Variants in MROH2B observed in about 807,000 individuals in gnomAD.
The protein encoded by MROH2B is maestro heat like repeat family member 2B, also known as maestro heat-like repeat-containing protein family member 2B.
In MROH2B, 177 loss-of-function variants were observed where a neutral mutation model predicts 208.6. The observed-to-expected ratio is 0.85, with a 90% CI of 0.75 to 0.96. The LOEUF is 0.96. MROH2B is among the 40% of genes least tolerant of loss of function. MROH2B has a pLI of 0.00. For missense variants in MROH2B, 2,002 were observed against 1,878.7 expected, an observed-to-expected ratio of 1.07 and a Z score of -1.21; for synonymous variants, 728 against 659.0, an observed-to-expected ratio of 1.10 and a Z score of -1.60.
chr5:41,006,033 A>AC (rs1249691138), intron 34 of MROH2B, among the ~76,000 whole-genome samples: 3 of 9,524 alleles, frequency 3.1e-4, no homozygotes, highest in Non-Finnish European at 1.0e-3. Context: ...TTCTGTCTCC[A>AC]AAAAAAAAAA....
At chr5:41,033,714 T>C in intron 22 of MROH2B, 124 bp downstream of exon 22, 3 of 764,924 alleles carry the variant, frequency 3.9e-6, no homozygotes, top group Non-Finnish European at 6.3e-6. Flanking sequence ...GATTGTTACA[T>C]GTTGGAAACC....
intron 11 of MROH2B, among the ~76,000 whole-genome samples, chr5:41,054,187 C>T (rs901345770): frequency 2.0e-5 from 3 of 152,110 alleles, no homozygotes; most frequent in Non-Finnish European, 4.4e-5. Context: ...ACCATGTTGA[C>T]CAGGCTGGTC....
At chr5:41,069,626 T>C (rs766065011) in intron 2 of MROH2B, 65 bp downstream of exon 2, 20 of 1,291,090 alleles carry the variant, frequency 1.5e-5, no homozygotes, top group Non-Finnish European at 2.2e-5. Context: ...CAAAGAAAAA[T>C]ATATACGAAA....
chr5:41,039,572 T>C lies in MROH2B; in HGVS notation c.1954-17A>G. 1.3e-6 allele frequency: 2 copies of C among 1,509,264 alleles called. No individual in the cohort carries two copies. The highest frequency in any genetic ancestry group is 2.3e-5 in the East Asian group (1 of 44,090). 93.5% of individuals were successfully genotyped at this position (1,509,264 alleles called of 1,614,324 possible). The stretch of plus-strand genomic sequence containing the variant: ...TGTTATTCCCTAAAATCAGAAAAGG[T>C]ATGACATTTTGAGTTTAACCATTTA... On this transcript the variant is annotated splice_polypyrimidine_tract_variant and intron_variant, in intron 19 of 41. Coordinates refer to ENST00000399564, the MANE Select transcript of MROH2B (RefSeq NM_173489.5).
chr5:41,035,948 A>G (rs970353986), intron 21 of MROH2B, among the ~76,000 whole-genome samples: 1 of 152,138 alleles, frequency 6.6e-6, no homozygotes, highest in African/African-American at 2.4e-5. Context: ...CAAAGAACTT[A>G]AAACAGAGCT....
At chr5:41,023,864 G>A (rs1457970486) in intron 24 of MROH2B, among the ~76,000 whole-genome samples, 1 of 152,212 alleles carries the variant, frequency 6.6e-6, no homozygotes, top group Middle Eastern at 3.2e-3. Context: ...CCAGAAGAGA[G>A]TAGGGGCCAA....
intron 34 of MROH2B, 122 bp from the exon 35 acceptor site, chr5:41,005,767 A>C: frequency 2.7e-5 from 22 of 806,872 alleles, no homozygotes; most frequent in Non-Finnish European, 4.0e-5. Flanking sequence ...GTGGTGGCTC[A>C]TGCCTGTAAT....
At chr5:41,042,235 A>G (rs1351250183) in intron 18 of MROH2B, 27 bp from the exon 19 acceptor site, 6 of 1,380,434 alleles carry the variant, frequency 4.3e-6, no homozygotes, top group African/African-American at 1.4e-5. Context: ...AAGCAACAGG[A>G]TTTTAAGGGT....
chr5:41,052,506 C>G lies in MROH2B; in HGVS notation c.1189G>C (p.Asp397His). The change falls in exon 12 of 42, where the codon GAT becomes CAT. Residue 397 changes from aspartate to histidine, a missense_variant. By Grantham distance (81) the Asp-to-His change is moderately conservative. Coordinates refer to ENST00000399564, the MANE Select transcript of MROH2B (RefSeq NM_173489.5). ...IEAREGWPLI[D>H]YVFSQFATLN... The stretch of plus-strand genomic sequence containing the variant: ...GTTGCAAACTGGGAGAAGACATAAT[C>G]AATCAATGGCCATCCTTCCCGAGCT... The G allele has an allele frequency of 6.2e-7, 1 of 1,612,842 alleles. No homozygotes were observed. The highest frequency in any genetic ancestry group is 8.5e-7 in the Non-Finnish European group (1 of 1,179,248).
At chr5:41,006,786 T>C (rs1336621572) in intron 34 of MROH2B, among the ~76,000 whole-genome samples, 6 of 152,040 alleles carry the variant, frequency 3.9e-5, no homozygotes, top group Non-Finnish European at 7.4e-5. Context: ...GCTAAGCTAT[T>C]AGGACGCAAA....
rs1741511183 is a variant in MROH2B, at chr5:41,004,529, C to T, written c.4012-1G>A. On this transcript the variant is annotated splice_acceptor_variant, in intron 36 of 41. Transcript: ENST00000399564. LOFTEE classifies it high-confidence loss of function. The stretch of plus-strand genomic sequence containing the variant: ...GCATTAACTGCTTATGTTTCTTCAC[C>T]TATTTTGAAATAAGACCTCTTAATC... The T allele has an allele frequency of 1.2e-6, 2 of 1,603,908 alleles. No homozygotes were observed.
intron 13 of MROH2B, among the ~76,000 whole-genome samples, chr5:41,049,843 G>A (rs749987846): frequency 1.3e-4 from 20 of 152,300 alleles, no homozygotes; most frequent in Non-Finnish European, 2.8e-4. Context: ...CAGTTGAGAA[G>A]CTTGGGAGAG....
intron 24 of MROH2B, among the ~76,000 whole-genome samples, chr5:41,026,115 A>T (rs1742351236): frequency 6.6e-6 from 1 of 152,162 alleles, no homozygotes; most frequent in African/African-American, 2.4e-5. Context: ...ATTCCCTTTG[A>T]AAAGTGGCAC....
At chr5:41,064,162 T>C (rs769494563) in intron 5 of MROH2B, among the ~76,000 whole-genome samples, 1 of 151,838 alleles carries the variant, frequency 6.6e-6, no homozygotes, top group South Asian at 2.1e-4. Context: ...CCCACAGACC[T>C]GGGTTTGAAT....
chr5:41,002,364 A>G (rs1279574807), intron 37 of MROH2B, among the ~76,000 whole-genome samples: 1 of 152,214 alleles, frequency 6.6e-6, no homozygotes, highest in Non-Finnish European at 1.5e-5. Context: ...GCGATTGCTC[A>G]GGGTGACAGT....
chr5:41,030,913 A>G (rs1232037054), intron 24 of MROH2B, among the ~76,000 whole-genome samples: 1 of 152,144 alleles, frequency 6.6e-6, no homozygotes, highest in Non-Finnish European at 1.5e-5. Flanking sequence ...GCCACAATTA[A>G]ACATTAACAA....
At chr5:41,040,085 G>T (rs1365416791) in intron 19 of MROH2B, among the ~76,000 whole-genome samples, 4 of 152,188 alleles carry the variant, frequency 2.6e-5, no homozygotes, top group Non-Finnish European at 5.9e-5. Flanking sequence ...GTTCATTACA[G>T]TAGGGCCTTT....
chr5:41,045,908 G>A (rs1743104923), intron 17 of MROH2B, 55 bp from the exon 18 acceptor site: 1 of 1,298,760 alleles, frequency 7.7e-7, no homozygotes, highest in South Asian at 1.6e-5. Flanking sequence ...GTGCTTTCTT[G>A]GCATATTTTT....
At chr5:41,064,697 T>C (rs1743747544) in intron 4 of MROH2B, 127 bp from the exon 5 acceptor site, 3 of 599,840 alleles carry the variant, frequency 5.0e-6, no homozygotes, top group African/African-American at 3.7e-5. Context: ...AGTAGAAAGA[T>C]GTTTCTATAA....
Sources: allele counts gnomAD v4.1 joint callset (sites outside exome capture counted in the v4.1 genomes callset), GRCh38; gene constraint gnomAD v4.1.1; transcripts MANE v1.5; gene names NCBI Gene and HGNC (gene_info 2026-07-23, HGNC 2026-07-21).